Variants in FARS2 observed in about 807,000 individuals in gnomAD.
FARS2 encodes the protein phenylalanyl-tRNA synthetase 2, mitochondrial.
FARS2 carries 40 observed loss-of-function variants against 46.4 expected under a neutral mutation model. The ratio of observed to expected loss-of-function variants is 0.86; its 90% CI spans 0.67 to 1.12. The LOEUF is 1.12. Ranked by LOEUF, FARS2 falls within the 50% of genes most tolerant of loss-of-function variation. The pLI is 0.00. For missense variants in FARS2, 513 were observed against 567.9 expected, an observed-to-expected ratio of 0.90 and a Z score of 0.98; for synonymous variants, 234 against 214.9, an observed-to-expected ratio of 1.09 and a Z score of -0.78.
intron 6 of FARS2, among the ~76,000 whole-genome samples, chr6:5,648,372 A>G (rs1777180187): frequency 6.6e-6 from 1 of 152,140 alleles, no homozygotes; most frequent in Non-Finnish European, 1.5e-5. Context: ...CCAGATCTCC[A>G]TGTCGTCTGT....
intron 5 of FARS2, among the ~76,000 whole-genome samples, chr6:5,571,245 G>A (rs1295158309): frequency 3.9e-5 from 6 of 152,094 alleles, no homozygotes; most frequent in Non-Finnish European, 7.4e-5. Context: ...AACTATGCAC[G>A]ATGGGCCTAC....
intron 1 of FARS2, among the ~76,000 whole-genome samples, chr6:5,346,309 C>G (rs1757227134): frequency 6.6e-6 from 1 of 152,162 alleles, no homozygotes; most frequent in Non-Finnish European, 1.5e-5. Context: ...TAAAATTCAT[C>G]ATCACCTCCA....
At chr6:5,696,769 A>G (rs1758131038) in intron 6 of FARS2, among the ~76,000 whole-genome samples, 1 of 152,212 alleles carries the variant, frequency 6.6e-6, no homozygotes, top group Non-Finnish European at 1.5e-5. Context: ...CTATGAACAT[A>G]CATCATTTTT....
At chr6:5,462,995 G>T (rs1351027241) in intron 4 of FARS2, among the ~76,000 whole-genome samples, 2 of 152,192 alleles carry the variant, frequency 1.3e-5, no homozygotes, top group African/African-American at 4.8e-5. Context: ...ATTTTTGTAA[G>T]CCCTGCAGTC....
intron 5 of FARS2, among the ~76,000 whole-genome samples, chr6:5,587,602 A>G (rs530373804): frequency 6.6e-6 from 1 of 152,318 alleles, no homozygotes; most frequent in East Asian, 1.9e-4. Flanking sequence ...AGATTTTCTT[A>G]CTTGAAGATT....
intron 6 of FARS2, among the ~76,000 whole-genome samples, chr6:5,636,906 A>G (rs996007034): frequency 2.6e-5 from 4 of 152,248 alleles, no homozygotes; most frequent in Non-Finnish European, 5.9e-5. Context: ...TGGTGCGGCA[A>G]AGGGACCTCA....
At chr6:5,589,184 G>A (rs1034599720) in intron 5 of FARS2, among the ~76,000 whole-genome samples, 1 of 152,134 alleles carries the variant, frequency 6.6e-6, no homozygotes, top group Non-Finnish European at 1.5e-5. Context: ...GCTAGAGCCA[G>A]CTCCCCCCGT....
intron 4 of FARS2, among the ~76,000 whole-genome samples, chr6:5,432,188 C>T (rs1481644111): frequency 2.7e-5 from 4 of 147,408 alleles, no homozygotes; most frequent in Non-Finnish European, 4.5e-5. Context: ...TGTGGTGGTG[C>T]GCCTATAATC....
chr6:5,483,743 A>G (rs1766612537), intron 4 of FARS2, among the ~76,000 whole-genome samples: 1 of 152,166 alleles, frequency 6.6e-6, no homozygotes, highest in South Asian at 2.1e-4. Context: ...TATGGTATAA[A>G]ACTGGCTCAA....
chr6:5,322,502 G>A (rs543550104), intron 1 of FARS2, among the ~76,000 whole-genome samples: 6 of 152,296 alleles, frequency 3.9e-5, no homozygotes, highest in Middle Eastern at 3.4e-3. Context: ...TCCATTGGCT[G>A]AATTTACAAT....
intron 1 of FARS2, among the ~76,000 whole-genome samples, chr6:5,306,071 A>G (rs1561945781): frequency 6.6e-6 from 1 of 152,176 alleles, no homozygotes; most frequent in Non-Finnish European, 1.5e-5. Context: ...TAAAACTGCC[A>G]TTCTGATCCA....
At chr6:5,717,915 T>C (rs1358856743) in intron 6 of FARS2, among the ~76,000 whole-genome samples, 4 of 34,354 alleles carry the variant, frequency 1.2e-4, no homozygotes, top group South Asian at 5.8e-4. Flanking sequence ...CAGCTATATA[T>C]ATATATATAT....
chr6:5,295,408 G>GT, intron 1 of FARS2, among the ~76,000 whole-genome samples: 1 of 152,198 alleles, frequency 6.6e-6, no homozygotes, highest in South Asian at 2.1e-4. Flanking sequence ...AGTCTTAGGT[G>GT]TTTGAGTCAA....
intron 1 of FARS2, among the ~76,000 whole-genome samples, chr6:5,365,313 C>CTTT (rs1469292273): frequency 1.0e-3 from 68 of 68,010 alleles, no homozygotes; most frequent in South Asian, 1.4e-3. Context: ...GAGAAGTATA[C>CTTT]TTTCTTTTTT....
chr6:5,723,923 A>G (rs7746937), intron 6 of FARS2, among the ~76,000 whole-genome samples: 56,971 of 151,936 alleles, frequency 0.37, 11,294 homozygotes, highest in Non-Finnish European at 0.46. Context: ...CCCAGCTAGT[A>G]ACAGGCACAC....
chr6:5,484,179 T>C (rs1168874199), intron 4 of FARS2, among the ~76,000 whole-genome samples: 1 of 152,196 alleles, frequency 6.6e-6, no homozygotes, highest in African/African-American at 2.4e-5. Context: ...TATTTCTGGA[T>C]GGGCCAAGGG....
intron 6 of FARS2, among the ~76,000 whole-genome samples, chr6:5,690,711 A>C (rs1280059178): frequency 6.6e-6 from 1 of 151,996 alleles, no homozygotes; most frequent in Admixed American, 6.6e-5. Context: ...TCTTTGTGAC[A>C]TTCTCTGTAT....
At chr6:5,514,284 C>G (rs1768649628) in intron 4 of FARS2, among the ~76,000 whole-genome samples, 1 of 152,026 alleles carries the variant, frequency 6.6e-6, no homozygotes, top group South Asian at 2.1e-4. Flanking sequence ...GTACACATTT[C>G]TAATGGAAGG....
At position 5,652,094 on chromosome 6, in the gene FARS2, C is replaced by T. The variant is rs1349582250; in HGVS notation, c.1217+38774C>T. 3.3e-5 allele frequency among the ~76,000 whole-genome samples: 5 copies of T among 152,062 alleles called. No homozygotes were observed. The East Asian group carries it at 5.8e-4, about 18-fold the overall frequency. ...TCCGCATGCCCACATCAGGAAGATC[C>T]GGGAGGGGCACAGGCATGGGCAGGA... On this transcript the variant is annotated intron_variant, in intron 6 of 6. Coordinates refer to ENST00000274680, the MANE Select transcript of FARS2 (RefSeq NM_006567.5).
Sources: allele counts gnomAD v4.1 joint callset (sites outside exome capture counted in the v4.1 genomes callset), GRCh38; gene constraint gnomAD v4.1.1; transcripts MANE v1.5; gene names NCBI Gene and HGNC (gene_info 2026-07-23, HGNC 2026-07-21).